Variants in PHTF2 observed in about 807,000 individuals in gnomAD.
The protein encoded by PHTF2 is protein PHTF2.
In PHTF2, 60 loss-of-function variants were observed where a neutral mutation model predicts 101.2. The observed-to-expected ratio is 0.59, with a 90% CI of 0.48 to 0.73. The LOEUF (loss-of-function observed/expected upper bound fraction) is 0.73, where lower values mean the gene tolerates loss of function less well. Ranked by LOEUF, PHTF2 falls within the 30% of genes least tolerant of loss-of-function variation. PHTF2 has a pLI of 0.00. For synonymous variants in PHTF2, 311 were observed against 307.3 expected (o/e 1.01, Z -0.13); for missense variants, 747 against 908.7 (o/e 0.82, Z 2.29).
At chr7:77,923,789 A>G (rs1803703744) in intron 11 of PHTF2, 2 of 985,136 alleles carry the variant, frequency 2.0e-6, no homozygotes, top group African/African-American at 3.5e-5. Flanking sequence ...CTCTCCCAGA[A>G]TAAATTATTT....
chr7:77,868,856 A>C (rs908701355), intron 3 of PHTF2, among the ~76,000 whole-genome samples: 1 of 152,210 alleles, frequency 6.6e-6, no homozygotes, highest in African/African-American at 2.4e-5. Context: ...GTTGACTTTT[A>C]AATGATTTTT....
In PHTF2 at chr7:77,864,617, AT is replaced by A. The variant is rs370777611; in HGVS notation, c.147+9797del. Among the ~76,000 whole-genome samples, 628 of 145,414 alleles carry A rather than the reference AT, an allele frequency of 4.3e-3. 2 individuals are homozygous for A. Among genetic ancestry groups the A allele is most frequent in the South Asian group, 7.6e-3 (35 of 4,614 alleles). On this transcript the variant is annotated intron_variant, in intron 3 of 19. Transcript: ENST00000416283. ...TTTAGACTGCCCACTTATGCTTTTA[AT>A]TTTTTTTTTTTTTAACTGAAGTTGC...
chr7:77,908,665 T>A lies in PHTF2; in HGVS notation c.446-128T>A, dbSNP rs769321414. ...AGTCTGAGAGAGCTTGTCTCTATAG[T>A]AATATTTTAAACTCATTTAAATTTA... is the stretch of plus-strand genomic sequence containing the variant. On this transcript the variant is annotated intron_variant, in intron 7 of 19. Coordinates refer to ENST00000416283, the Ensembl canonical transcript of PHTF2. The A allele has an allele frequency of 1.2e-5, 7 of 571,086 alleles. 1 individual carries two copies. The highest frequency in any genetic ancestry group is 2.1e-5 in the Non-Finnish European group (7 of 332,740). The allele number at this position is 571,086 out of a possible 1,614,324, so 35.4% of individuals were successfully genotyped here.
At chr7:77,855,869 G>A (rs1797137665) in intron 3 of PHTF2, among the ~76,000 whole-genome samples, 3 of 152,100 alleles carry the variant, frequency 2.0e-5, no homozygotes, top group Admixed American at 1.3e-4. Context: ...TGGGAGGGGT[G>A]GTGTTGACAA....
chr7:77,911,030 G>A (rs1802342594), intron 9 of PHTF2, among the ~76,000 whole-genome samples: 1 of 152,124 alleles, frequency 6.6e-6, no homozygotes, highest in Non-Finnish European at 1.5e-5. Flanking sequence ...CATGTGAATT[G>A]TATAATTTTT....
chr7:77,951,828 C>T (rs895000989), intron 18 of PHTF2, 116 bp downstream of exon 17: 1 of 571,086 alleles, frequency 1.8e-6, no homozygotes, highest in African/African-American at 2.0e-5. Context: ...CAAGTTGTTT[C>T]CAAATTATAC....
At chr7:77,859,958 G>A (rs1319791385) in intron 3 of PHTF2, among the ~76,000 whole-genome samples, 1 of 152,094 alleles carries the variant, frequency 6.6e-6, no homozygotes, top group African/African-American at 2.4e-5. Flanking sequence ...TTATTAAATA[G>A]ATATTTGGGT....
At chr7:77,856,641 T>C (rs1166383588) in intron 3 of PHTF2, among the ~76,000 whole-genome samples, 2 of 152,158 alleles carry the variant, frequency 1.3e-5, no homozygotes, top group Admixed American at 1.3e-4. Context: ...AAAAGTATTT[T>C]TTAAAAATGG....
At chr7:77,820,435 T>A (rs1794190890) in intron 1 of PHTF2, among the ~76,000 whole-genome samples, 1 of 152,192 alleles carries the variant, frequency 6.6e-6, no homozygotes, top group South Asian at 2.1e-4. Context: ...CACTGTAACC[T>A]CAAACTTCTG....
At chr7:77,815,066 C>T (rs1164628854) in intron 1 of PHTF2, among the ~76,000 whole-genome samples, 1 of 151,788 alleles carries the variant, frequency 6.6e-6, no homozygotes, top group Non-Finnish European at 1.5e-5. Context: ...AACAGCTACA[C>T]TCTGTCTCAA....
intron 1 of PHTF2, among the ~76,000 whole-genome samples, chr7:77,821,549 G>A (rs1474151913): frequency 1.3e-5 from 2 of 152,012 alleles, no homozygotes; most frequent in African/African-American, 2.4e-5. Context: ...GAGCTCAGGA[G>A]TGTGTCCACC....
At chr7:77,846,246 C>T (rs1379482055) in intron 2 of PHTF2, among the ~76,000 whole-genome samples, 1 of 152,134 alleles carries the variant, frequency 6.6e-6, no homozygotes, top group Non-Finnish European at 1.5e-5. Context: ...GGGGTGAATC[C>T]TGATAAGTCT....
At chr7:77,849,166 C>A (rs982195393) in intron 2 of PHTF2, among the ~76,000 whole-genome samples, 26 of 151,928 alleles carry the variant, frequency 1.7e-4, no homozygotes, top group Non-Finnish European at 3.1e-4. Context: ...CTCTGTCGCC[C>A]AGGCTGGAAT....
chr7:77,830,444 C>T (rs1794991978), intron 1 of PHTF2, among the ~76,000 whole-genome samples: 1 of 152,190 alleles, frequency 6.6e-6, no homozygotes, highest in African/African-American at 2.4e-5. Flanking sequence ...AGCGAAGCTT[C>T]ATCTGTATTT....
chr7:77,815,698 T>TGA (rs1286006895), intron 1 of PHTF2, among the ~76,000 whole-genome samples: 1 of 152,248 alleles, frequency 6.6e-6, no homozygotes, highest in Non-Finnish European at 1.5e-5. Context: ...TGGCATGGTG[T>TGA]GAGAGAAAAT....
At chr7:77,822,830 G>T (rs1418722626) in intron 1 of PHTF2, among the ~76,000 whole-genome samples, 1 of 152,064 alleles carries the variant, frequency 6.6e-6, no homozygotes, top group Non-Finnish European at 1.5e-5. Flanking sequence ...CTTTCTTATT[G>T]GGGGGATGAG....
At chr7:77,840,406 A>T (rs1255176147) in intron 2 of PHTF2, 106 bp downstream of exon 2, 2 of 677,220 alleles carry the variant, frequency 3.0e-6, no homozygotes, top group African/African-American at 1.8e-5. Context: ...AAGGAAGATT[A>T]TTTTTATTTT....
chr7:77,861,835 A>C (rs1797666734), intron 3 of PHTF2, among the ~76,000 whole-genome samples: 1 of 152,214 alleles, frequency 6.6e-6, no homozygotes, highest in East Asian at 1.9e-4. Context: ...TGGCAGGTGC[A>C]TCACCTGAGG....
chr7:77,834,855 G>A (rs1178515655), intron 1 of PHTF2, among the ~76,000 whole-genome samples: 2 of 152,164 alleles, frequency 1.3e-5, no homozygotes, highest in Non-Finnish European at 2.9e-5. Context: ...TTCCTTAAGA[G>A]TGTTTACATA....
Sources: allele counts gnomAD v4.1 joint callset (sites outside exome capture counted in the v4.1 genomes callset), GRCh38; gene constraint gnomAD v4.1.1; transcripts MANE v1.5; gene names NCBI Gene and HGNC (gene_info 2026-07-23, HGNC 2026-07-21).